ABLIM2: variants seen among roughly 807,000 people sequenced by gnomAD.
ABLIM2 encodes actin binding LIM protein family member 2.
ABLIM2 carries 53 observed loss-of-function variants against 97.7 expected under a neutral mutation model. That is an observed-to-expected ratio of 0.54 (90% CI 0.44 to 0.68). ABLIM2 has a LOEUF of 0.68. Among genes scored for constraint, ABLIM2 ranks in the 30% least tolerant of loss-of-function variants. ABLIM2 has a pLI of 0.00. For synonymous variants in ABLIM2, 361 were observed against 345.8 expected, an observed-to-expected ratio of 1.04 and a Z score of -0.49; for missense variants, 835 against 867.2, an observed-to-expected ratio of 0.96 and a Z score of 0.47.
rs1016153148 is a variant in ABLIM2, at chr4:8,127,410, G to C, written c.11-20773C>G. On this transcript the variant is annotated intron_variant, in intron 1 of 20. Transcript: ENST00000447017. This position sits in a 1 kb window ranked among gnomAD's most constrained non-coding sequence, Gnocchi z 7.3. ...ATGACCTTCACGCAGGGCACAACTT[G>C]ACTGGACCCGTCCTTTCCCACCAGA... The C allele has an allele frequency of 2.1e-5, 23 of 1,113,292 alleles. No homozygotes were observed. The highest frequency in any genetic ancestry group is 3.2e-5 in the African/African-American group (2 of 61,872). 69.0% of individuals were successfully genotyped at this position (1,113,292 alleles called of 1,614,324 possible).
In ABLIM2 at chr4:8,123,137, G is replaced by A. The variant is rs936859630; in HGVS notation, c.11-16500C>T. Among the ~76,000 whole-genome samples, 3 of 152,206 alleles carry A rather than the reference G, an allele frequency of 2.0e-5. No homozygotes were observed. The highest frequency in any genetic ancestry group is 4.8e-5 in the African/African-American group (2 of 41,442). ...CTGCTGGAGGAAGACCTCTTTGCCC[G>A]GGTCTGGACTCCTTAATCCTAATTG... On this transcript the variant is annotated intron_variant, in intron 1 of 20. Transcript: ENST00000447017. This position sits in a 1 kb window ranked among gnomAD's most constrained non-coding sequence, Gnocchi z 6.2.
chr4:7,981,894 G>A (rs1020301857), intron 20 of ABLIM2, among the ~76,000 whole-genome samples: 6 of 147,756 alleles, frequency 4.1e-5, no homozygotes, highest in African/African-American at 7.3e-5. Context: ...TGGTAAGGAC[G>A]TACTTCCTAT....
At chr4:8,038,283 T>G (rs892273171) in intron 9 of ABLIM2, among the ~76,000 whole-genome samples, 1 of 152,210 alleles carries the variant, frequency 6.6e-6, no homozygotes, top group African/African-American at 2.4e-5. Flanking sequence ...GGGCAGCACA[T>G]GACCCTGGCT....
At position 8,069,910 on chromosome 4, in the gene ABLIM2, T is replaced by A. The variant is rs547895066; in HGVS notation, c.675+7718A>T. 2.4e-4 allele frequency among the ~76,000 whole-genome samples: 36 copies of A among 152,252 alleles called. No individual in the cohort carries two copies. Among genetic ancestry groups the A allele is most frequent in the African/African-American group, 7.9e-4 (33 of 41,532 alleles). ...CCTGTGTTTATGTTGGTTGTGTGTG[T>A]CATGTGTTTCTTTCTGTGTGTTTAT... On this transcript the variant is annotated intron_variant, in intron 6 of 20. Transcript: ENST00000447017. This position sits in a 1 kb window ranked among gnomAD's most constrained non-coding sequence, Gnocchi z 4.2.
chr4:7,978,617 C>G (rs2149549149), intron 20 of ABLIM2, among the ~76,000 whole-genome samples: 1 of 152,256 alleles, frequency 6.6e-6, no homozygotes, highest in South Asian at 2.1e-4. Context: ...CATTAGACAG[C>G]CCAGAGGGGA....
At chr4:8,139,315 G>A (rs1379169012) in intron 1 of ABLIM2, among the ~76,000 whole-genome samples, 2 of 151,882 alleles carry the variant, frequency 1.3e-5, no homozygotes, top group African/African-American at 2.4e-5. Flanking sequence ...AGAGTGAACA[G>A]ACAACCTATG....
At position 8,019,865 on chromosome 4, in the gene ABLIM2, A is replaced by C. The variant is rs13131680; in HGVS notation, c.1370-194T>G. ...CTCCCTGACTCCAGATGCCACCCTCATCTGCAGGAGATGGGGCAGCAGCCA... is the reference window on the plus strand; with the variant it reads ...CTCCCTGACTCCAGATGCCACCCTCCTCTGCAGGAGATGGGGCAGCAGCCA... On this transcript the variant is annotated intron_variant, in intron 13 of 20. Transcript: ENST00000447017. This position sits in a 1 kb window ranked among gnomAD's most constrained non-coding sequence, Gnocchi z 4.3. Among the ~76,000 whole-genome samples, 72,094 of 151,910 alleles carry C rather than the reference A, an allele frequency of 0.47. 17,528 individuals are homozygous for C. Among genetic ancestry groups the C allele is most frequent in the Non-Finnish European group, 0.53 (36,313 of 67,912 alleles).
intron 20 of ABLIM2, among the ~76,000 whole-genome samples, chr4:7,976,274 G>A (rs745625789): frequency 1.3e-5 from 2 of 151,948 alleles, no homozygotes; most frequent in African/African-American, 4.8e-5. Context: ...CCGCCCCTTC[G>A]ACTTCCCACA....
Position 8,072,282 on chromosome 4 carries a change from C to T in ABLIM2, c.675+5346G>A, listed in dbSNP as rs1333045449. ...TTAAATATCAGGGATGCTTACATTG[C>T]AGACATGGGACGCTTGCCTCCCAAT... On this transcript the variant is annotated intron_variant, in intron 6 of 20. Transcript: ENST00000447017. This position sits in a 1 kb window ranked among gnomAD's most constrained non-coding sequence, Gnocchi z 5.8. Among the ~76,000 whole-genome samples, 1 of 152,122 alleles carries T rather than the reference C, an allele frequency of 6.6e-6. No individual in the cohort carries two copies. The highest frequency in any genetic ancestry group is 1.5e-5 in the Non-Finnish European group (1 of 68,038).
Position 8,150,547 on chromosome 4 carries a change from G to A in ABLIM2, c.10+8133C>T, listed in dbSNP as rs1244453252. On this transcript the variant is annotated intron_variant, in intron 1 of 20. Coordinates refer to ENST00000447017, the MANE Select transcript of ABLIM2 (RefSeq NM_001130083.2). This position sits in a 1 kb window ranked among gnomAD's most constrained non-coding sequence, Gnocchi z 6.3. ...CATTTCCAGATCGTCTCTCTAACTC[G>A]TCTCTCTAAGCACAGAGAAACCAAA... 6.6e-6 allele frequency among the ~76,000 whole-genome samples: 1 copy of A among 152,202 alleles called. No individual in the cohort carries two copies. The highest frequency in any genetic ancestry group is 1.5e-5 in the Non-Finnish European group (1 of 68,036).
At chr4:8,133,361 G>A (rs140770128) in intron 1 of ABLIM2, among the ~76,000 whole-genome samples, 2,177 of 151,880 alleles carry the variant, frequency 0.014, 25 homozygotes, top group Admixed American at 0.026. Flanking sequence ...CGGGTGCCCT[G>A]GCACAACATG....
chr4:7,989,942 G>A (rs16841536), intron 17 of ABLIM2, among the ~76,000 whole-genome samples: 5,924 of 152,264 alleles, frequency 0.039, 216 homozygotes, highest in African/African-American at 0.095. Context: ...GGTAGGTTAT[G>A]AGCATCTACC....
Position 8,029,794 on chromosome 4 carries a change from G to C in ABLIM2, c.1048-18C>G. 2 of 1,564,544 alleles carry C rather than the reference G, an allele frequency of 1.3e-6. No individual in the cohort carries two copies. Among genetic ancestry groups the C allele is most frequent in the Non-Finnish European group, 1.7e-6 (2 of 1,154,280 alleles). On this transcript the variant is annotated intron_variant, in intron 10 of 20. Coordinates refer to ENST00000447017, the MANE Select transcript of ABLIM2 (RefSeq NM_001130083.2). ...TGATCCCCCTGGGAGGGAAGATGCA[G>C]CTTGTGAACACTGGAGCCGGGAGCA...
At chr4:8,010,970 C>T (rs961390727) in intron 14 of ABLIM2, among the ~76,000 whole-genome samples, 2 of 152,218 alleles carry the variant, frequency 1.3e-5, no homozygotes, top group African/African-American at 4.8e-5. Context: ...GGCCCTGGGG[C>T]TGAGTTGGCT....
At chr4:8,000,096 G>A (rs1279419583) in intron 16 of ABLIM2, among the ~76,000 whole-genome samples, 2 of 152,094 alleles carry the variant, frequency 1.3e-5, no homozygotes, top group Non-Finnish European at 2.9e-5. Context: ...GGAGGCTGTG[G>A]CACTGCACGG....
In ABLIM2 at chr4:8,027,749, C is replaced by A. The variant is rs372469192; in HGVS notation, c.1267+10G>T. ...TGAGCACCCACAGCCCACATCACTG[C>A]GTGCCTTACCTCGGAAGTAGGGGAT... is the stretch of plus-strand genomic sequence containing the variant. On this transcript the variant is annotated intron_variant, in intron 12 of 20. Transcript: ENST00000447017. 2 of 1,567,046 alleles carry A rather than the reference C, an allele frequency of 1.3e-6. No homozygotes were observed. The highest frequency in any genetic ancestry group is 1.2e-5 in the South Asian group (1 of 83,576).
At chr4:8,052,132 A>G (rs181424285) in intron 8 of ABLIM2, among the ~76,000 whole-genome samples, 1 of 152,322 alleles carries the variant, frequency 6.6e-6, no homozygotes, top group Admixed American at 6.5e-5. Flanking sequence ...CTAGAGATGA[A>G]GACCCTGGTG....
chr4:7,983,035 C>A (rs1244923945), intron 20 of ABLIM2, among the ~76,000 whole-genome samples: 1 of 152,222 alleles, frequency 6.6e-6, no homozygotes, highest in East Asian at 1.9e-4. Flanking sequence ...GCCTTCCCTG[C>A]CTCATCCACA....
intron 2 of ABLIM2, among the ~76,000 whole-genome samples, chr4:8,101,464 C>G (rs1340012822): frequency 6.6e-6 from 1 of 152,224 alleles, no homozygotes; most frequent in African/African-American, 2.4e-5. Context: ...CTGGAACGCC[C>G]AGGAAGCACG....
Sources: allele counts gnomAD v4.1 joint callset (sites outside exome capture counted in the v4.1 genomes callset), GRCh38; gene constraint gnomAD v4.1.1; non-coding constraint Gnocchi (gnomAD v3.1); transcripts MANE v1.5; gene names NCBI Gene and HGNC (gene_info 2026-07-23, HGNC 2026-07-21).